Variants in GREB1 observed in about 807,000 individuals in gnomAD.
GREB1 encodes the protein growth regulating estrogen receptor binding 1.
Under a neutral mutation model 200.7 loss-of-function variants are expected in GREB1, and 106 were observed. The observed-to-expected ratio is 0.53, with a 90% confidence interval of 0.45 to 0.62. GREB1 has a LOEUF of 0.62. GREB1 is among the 20% of genes least tolerant of loss of function. GREB1 has a pLI of 0.00. For missense variants in GREB1, 2,243 were observed against 2,556.8 expected (o/e 0.88, Z 2.65); for synonymous variants, 1,132 against 1,092.4 (o/e 1.04, Z -0.72).
At chr2:11,560,857 T>G (rs1377824366) in intron 2 of GREB1, among the ~76,000 whole-genome samples, 2 of 152,206 alleles carry the variant, frequency 1.3e-5, no homozygotes, top group African/African-American at 4.8e-5. Context: ...CCCAAATGTC[T>G]AACTTACAAG....
intron 1 of GREB1, among the ~76,000 whole-genome samples, chr2:11,554,581 G>C (rs1213686053): frequency 6.6e-6 from 1 of 152,208 alleles, no homozygotes; most frequent in Non-Finnish European, 1.5e-5. Context: ...TGGTCTGTGT[G>C]CAGTAATTGT....
At chr2:11,530,565 C>CAA (rs34552685), upstream of GREB1, among the ~76,000 whole-genome samples, 996 of 96,966 alleles carry the variant, frequency 0.01, 31 homozygotes, top group African/African-American at 0.036. Flanking sequence ...GACTCGGTCT[C>CAA]AAAAAAAAAA....
chr2:11,623,227 G>A (rs1388072292), intron 23 of GREB1, among the ~76,000 whole-genome samples: 2 of 152,252 alleles, frequency 1.3e-5, no homozygotes, highest in South Asian at 2.1e-4. Flanking sequence ...GTAGCGATTC[G>A]GGTGTAAATT....
At position 11,580,563 on chromosome 2, in the gene GREB1, G is replaced by C. The variant is rs2148070424; in HGVS notation, c.773-141G>C. 1 of 871,230 alleles carries C rather than the reference G, an allele frequency of 1.1e-6. No homozygotes were observed. The highest frequency in any genetic ancestry group is 1.8e-6 in the Non-Finnish European group (1 of 555,336). The allele number at this position is 871,230 out of a possible 1,614,324, so 54.0% of individuals were successfully genotyped here. On this transcript the variant is annotated intron_variant, in intron 6 of 32. Transcript: ENST00000381486. The surrounding 1 kb of genome is among the most constrained non-coding windows in gnomAD (Gnocchi z 4.5). ...ATCTTCTCAGTGTAGCAGAATCACT[G>C]TTGGGCATTCTGACCTCCTGATGAG...
At chr2:11,560,771 C>T (rs1202133430) in intron 2 of GREB1, among the ~76,000 whole-genome samples, 1 of 151,720 alleles carries the variant, frequency 6.6e-6, no homozygotes, top group Admixed American at 6.6e-5. Flanking sequence ...TTCATAATGA[C>T]CCTGTTCCCT....
intron 25 of GREB1, among the ~76,000 whole-genome samples, chr2:11,627,516 A>T (rs563359161): frequency 6.6e-6 from 1 of 152,356 alleles, no homozygotes; most frequent in South Asian, 2.1e-4. Context: ...TAACGATATG[A>T]AGCAGGCAAA....
intron 7 of GREB1, among the ~76,000 whole-genome samples, chr2:11,583,846 C>T (rs924367261): frequency 1.0e-4 from 15 of 142,992 alleles, no homozygotes; most frequent in South Asian, 2.1e-4. Context: ...GCAACAAGAG[C>T]GAGACTCTGT....
intron 3 of GREB1, 134 bp from the exon 4 acceptor site, chr2:11,566,346 T>G: frequency 2.6e-6 from 2 of 756,600 alleles, no homozygotes; most frequent in East Asian, 2.8e-5. Flanking sequence ...TCTCTCAGGA[T>G]TAATTTTGAG....
intron 2 of GREB1, among the ~76,000 whole-genome samples, chr2:11,558,099 A>C (rs1289179885): frequency 6.6e-6 from 1 of 152,206 alleles, no homozygotes; most frequent in Admixed American, 6.5e-5. Context: ...TCACAAGCTG[A>C]AGTAATTGAA....
At chr2:11,631,765 A>G in intron 26 of GREB1, 144 bp from the exon 27 acceptor site, 2 of 677,620 alleles carry the variant, frequency 3.0e-6, no homozygotes, top group South Asian at 1.8e-5. Flanking sequence ...TTTTACTGGT[A>G]AAAGCAAGTC....
At chr2:11,626,328 C>G (rs1684450001) in intron 24 of GREB1, among the ~76,000 whole-genome samples, 1 of 152,096 alleles carries the variant, frequency 6.6e-6, no homozygotes, top group African/African-American at 2.4e-5. Context: ...TGGCTCACGC[C>G]TGTAATCTCA....
chr2:11,488,813 T>G (rs1672716030), intron 1 of GREB1, among the ~76,000 whole-genome samples: 2 of 144,960 alleles, frequency 1.4e-5, no homozygotes, highest in Non-Finnish European at 3.0e-5. Flanking sequence ...AAAAAAGATT[T>G]GGGAAAGGAA....
At chr2:11,498,197 A>C (rs1005910885) in intron 1 of GREB1, among the ~76,000 whole-genome samples, 1 of 151,730 alleles carries the variant, frequency 6.6e-6, no homozygotes, top group African/African-American at 2.4e-5. Flanking sequence ...TAGATCATAA[A>C]AAATTTGTTT....
At chr2:11,594,457 C>A (rs1269206226) in intron 11 of GREB1, among the ~76,000 whole-genome samples, 1 of 151,446 alleles carries the variant, frequency 6.6e-6, no homozygotes, top group African/African-American at 2.4e-5. Context: ...CAAGTTCAAG[C>A]AATTCTTTTG....
intron 1 of GREB1, among the ~76,000 whole-genome samples, chr2:11,497,036 A>G (rs1170970661): frequency 1.3e-5 from 2 of 152,002 alleles, no homozygotes; most frequent in Admixed American, 1.3e-4. Context: ...GCCTCAAGTG[A>G]TCCTCCTGCC....
At chr2:11,595,997 T>A in intron 12 of GREB1, 114 bp from the exon 13 acceptor site, 1 of 1,018,082 alleles carries the variant, frequency 9.8e-7, no homozygotes, top group Non-Finnish European at 1.5e-6. Context: ...CATGTCCTCC[T>A]CTTTACCTTC....
chr2:11,587,608 GC>G, intron 9 of GREB1: 1 of 1,460,590 alleles, frequency 6.8e-7, no homozygotes, highest in South Asian at 1.4e-5. Flanking sequence ...TACTCCCCGA[GC>G]CCAGCAGGAC....
chr2:11,513,637 C>T (rs539176864), intron 1 of GREB1, among the ~76,000 whole-genome samples: 38 of 152,126 alleles, frequency 2.5e-4, no homozygotes, highest in Middle Eastern at 6.8e-3. Flanking sequence ...AGCAGCAACA[C>T]GCAATTTCCT....
chr2:11,609,242 T>TTTTATTTATTTATTTATTTATTTA (rs60473726), intron 17 of GREB1, among the ~76,000 whole-genome samples: 1 of 136,878 alleles, frequency 7.3e-6, no homozygotes, highest in Non-Finnish European at 1.6e-5. Context: ...GGCATTATTA[T>TTTTATTTATTTATTTATTTATTTA]TTTATTTATT....
Sources: allele counts gnomAD v4.1 joint callset (sites outside exome capture counted in the v4.1 genomes callset), GRCh38; gene constraint gnomAD v4.1.1; non-coding constraint Gnocchi (gnomAD v3.1); transcripts MANE v1.5; gene names NCBI Gene and HGNC (gene_info 2026-07-23, HGNC 2026-07-21).